The following MBD2 variants were observed in gnomAD, a reference collection of about 807,000 sequenced individuals.
MBD2 encodes methyl-CpG-binding domain protein 2.
MBD2 carries 9 observed loss-of-function variants against 39.3 expected under a neutral mutation model. The observed-to-expected ratio is 0.23, with a 90% CI of 0.14 to 0.40. MBD2 has a LOEUF of 0.40. Among genes scored for constraint, MBD2 ranks in the 10% least tolerant of loss-of-function variants. MBD2 has a pLI of 1.00. For synonymous variants in MBD2, 233 were observed against 211.1 expected (o/e 1.10, Z -0.90); for missense variants, 458 against 532.6 (o/e 0.86, Z 1.38).
chr18:54,180,478 C>T (rs891314068), intron 3 of MBD2, among the ~76,000 whole-genome samples: 1 of 152,012 alleles, frequency 6.6e-6, no homozygotes, highest in Non-Finnish European at 1.5e-5. Context: ...GACTATTTAA[C>T]CTATTTACCT....
Position 54,177,769 on chromosome 18 carries a change from T to TGCACCCGGCC in MBD2, c.840+11104_840+11105insGGCCGGGTGC, listed in dbSNP as rs71164917. Among the ~76,000 whole-genome samples, 2 of 150,560 alleles carry TGCACCCGGCC rather than the reference T, an allele frequency of 1.3e-5. 1 individual carries two copies. Among genetic ancestry groups the TGCACCCGGCC allele is most frequent in the African/African-American group, 4.9e-5 (2 of 40,992 alleles). Reference sequence around the variant, plus strand: ...TGCTGGGATTACAGGCGTGAGCCACTAAATTAATTCCTATTCTTTCTGTAG... The same window carrying TGCACCCGGCC: ...TGCTGGGATTACAGGCGTGAGCCACTGCACCCGGCCAAATTAATTCCTATTCTTTCTGTAG... On this transcript the variant is annotated intron_variant, in intron 3 of 6. Transcript: ENST00000256429.
chr18:54,194,303 C>A (rs1038049528), intron 2 of MBD2, among the ~76,000 whole-genome samples: 4 of 152,006 alleles, frequency 2.6e-5, no homozygotes, highest in African/African-American at 7.2e-5. Flanking sequence ...TATATACGAA[C>A]AAACTCTTCA....
intron 1 of MBD2, among the ~76,000 whole-genome samples, chr18:54,220,939 C>T (rs1226072084): frequency 3.3e-5 from 5 of 152,176 alleles, no homozygotes; most frequent in Non-Finnish European, 7.3e-5. Context: ...GTAACGGAAC[C>T]TCTGTAGACA....
At chr18:54,174,122 G>T (rs1033245164) in intron 3 of MBD2, among the ~76,000 whole-genome samples, 18 of 152,150 alleles carry the variant, frequency 1.2e-4, no homozygotes, top group Admixed American at 1.1e-3. Context: ...TTGACATTTG[G>T]GGGTAGATGA....
At chr18:54,177,704 A>G (rs980857495) in intron 3 of MBD2, among the ~76,000 whole-genome samples, 3 of 151,260 alleles carry the variant, frequency 2.0e-5, no homozygotes, top group Admixed American at 2.0e-4. Flanking sequence ...GATGATCTCA[A>G]TCTCCTGACT....
At chr18:54,187,107 T>C (rs1415819815) in intron 3 of MBD2, among the ~76,000 whole-genome samples, 2 of 152,184 alleles carry the variant, frequency 1.3e-5, no homozygotes, top group Non-Finnish European at 2.9e-5. Context: ...TGAATTTAGG[T>C]GCAGAAAATA....
intron 1 of MBD2, among the ~76,000 whole-genome samples, chr18:54,213,539 G>A (rs1424833100): frequency 6.6e-6 from 1 of 152,146 alleles, no homozygotes; most frequent in Non-Finnish European, 1.5e-5. Context: ...GCGAAAAAAT[G>A]AATTTATGTA....
rs2086038890 is a variant in MBD2 at position 54,154,340 on chromosome 18, G to A, written c.*984C>T. 1 of 152,190 alleles carries A rather than the reference G, an allele frequency of 6.6e-6. No individual in the cohort carries two copies. The highest frequency in any genetic ancestry group is 1.5e-5 in the Non-Finnish European group (1 of 68,036). The allele number at this position is 152,190 out of a possible 1,614,324, so 9.4% of individuals were successfully genotyped here. A position where few individuals can be genotyped will look rare whatever the true frequency, so the allele number is the denominator to read the frequency against. ...TATTTTGGAGGCCAGGCCAGGTACA[G>A]GTAATGGTTTGTAAAGTATTACAAA... On this transcript the variant is annotated 3_prime_UTR_variant, in exon 7 of 7. Transcript: ENST00000256429.
chr18:54,220,881 G>C (rs2086605844), intron 1 of MBD2, among the ~76,000 whole-genome samples: 1 of 152,176 alleles, frequency 6.6e-6, no homozygotes, highest in African/African-American at 2.4e-5. Context: ...GACTCAGAAT[G>C]TAACGTTTCA....
intron 1 of MBD2, among the ~76,000 whole-genome samples, chr18:54,207,123 A>G (rs1219938721): frequency 1.3e-5 from 2 of 152,158 alleles, no homozygotes; most frequent in African/African-American, 4.8e-5. Context: ...CTCCTTAATA[A>G]GTCATCGAAA....
chr18:54,199,127 AAAT>A (rs545628270), intron 2 of MBD2, among the ~76,000 whole-genome samples: 1 of 152,188 alleles, frequency 6.6e-6, no homozygotes, highest in South Asian at 2.1e-4. Context: ...TTACTTAACC[AAAT>A]AATAATAAAA....
At chr18:54,223,367 T>C (rs192226985) in intron 1 of MBD2, among the ~76,000 whole-genome samples, 52 of 152,326 alleles carry the variant, frequency 3.4e-4, no homozygotes, top group African/African-American at 1.3e-3. Context: ...CTCTGGCCTC[T>C]ACCCACTAGA....
intron 1 of MBD2, among the ~76,000 whole-genome samples, chr18:54,219,457 GA>G (rs1304907687): frequency 1.1e-4 from 17 of 152,204 alleles, no homozygotes; most frequent in Non-Finnish European, 2.4e-4. Flanking sequence ...AGCTATGTGA[GA>G]AAGCCACAAG....
intron 2 of MBD2, among the ~76,000 whole-genome samples, chr18:54,198,211 A>G (rs2086380469): frequency 6.6e-6 from 1 of 152,196 alleles, no homozygotes; most frequent in Non-Finnish European, 1.5e-5. Context: ...GAAGTACCTC[A>G]GGCAGAAATA....
At chr18:54,183,855 T>C (rs2086266436) in intron 3 of MBD2, among the ~76,000 whole-genome samples, 1 of 152,034 alleles carries the variant, frequency 6.6e-6, no homozygotes, top group Non-Finnish European at 1.5e-5. Flanking sequence ...AGATAAAAGG[T>C]AAGTGACATA....
chr18:54,220,472 G>A (rs1161600204), intron 1 of MBD2, among the ~76,000 whole-genome samples: 1 of 152,154 alleles, frequency 6.6e-6, no homozygotes, highest in African/African-American at 2.4e-5. Flanking sequence ...ACCAAAATTT[G>A]AGGCTTTCTC....
chr18:54,201,425 G>T (rs372569192), intron 2 of MBD2, among the ~76,000 whole-genome samples: 3 of 152,140 alleles, frequency 2.0e-5, no homozygotes, highest in African/African-American at 7.2e-5. Context: ...GAATGGAATC[G>T]ATTTTCAGGG....
intron 3 of MBD2, among the ~76,000 whole-genome samples, chr18:54,175,650 G>C (rs1006638036): frequency 3.3e-5 from 5 of 152,074 alleles, no homozygotes; most frequent in African/African-American, 7.2e-5. Context: ...CCTCCCACTA[G>C]TAGAGAGAAC....
At chr18:54,183,197 T>C (rs1272819887) in intron 3 of MBD2, among the ~76,000 whole-genome samples, 1 of 152,170 alleles carries the variant, frequency 6.6e-6, no homozygotes, top group Non-Finnish European at 1.5e-5. Context: ...TTCATAGAGA[T>C]AAAGCAATAG....
Sources: allele counts gnomAD v4.1 joint callset (sites outside exome capture counted in the v4.1 genomes callset), GRCh38; gene constraint gnomAD v4.1.1; transcripts MANE v1.5; gene names NCBI Gene and HGNC (gene_info 2026-07-23, HGNC 2026-07-21).